ABI3BP: variants seen among roughly 807,000 people sequenced by gnomAD.
The protein encoded by ABI3BP is ABI family member 3 binding protein.
In ABI3BP, 216 loss-of-function variants were observed where a neutral mutation model predicts 268.6. The ratio of observed to expected loss-of-function variants is 0.80; its 90% confidence interval spans 0.72 to 0.90. The LOEUF is 0.90. Among genes scored for constraint, ABI3BP ranks in the 40% least tolerant of loss-of-function variants. The pLI is 0.00. For synonymous variants in ABI3BP, 730 were observed against 730.0 expected (o/e 1.00, Z 0.00); for missense variants, 2,090 against 2,182.4 (o/e 0.96, Z 0.84).
At chr3:100,851,348 G>T (rs1164678004) in intron 15 of ABI3BP, among the ~76,000 whole-genome samples, 2 of 152,140 alleles carry the variant, frequency 1.3e-5, no homozygotes, top group Non-Finnish European at 2.9e-5. Flanking sequence ...GGTTTCTCAC[G>T]TTAGCACTAT....
chr3:100,872,209 C>A (rs915303377), intron 9 of ABI3BP, among the ~76,000 whole-genome samples: 1 of 152,072 alleles, frequency 6.6e-6, no homozygotes, highest in Non-Finnish European at 1.5e-5. Context: ...TTACTATTTT[C>A]ATAGTTTTAA....
At chr3:100,837,004 T>A (rs1023143274) in intron 27 of ABI3BP, 120 bp downstream of exon 27, 1 of 1,006,326 alleles carries the variant, frequency 9.9e-7, no homozygotes, top group East Asian at 2.8e-5. Context: ...ATAGTGAAAA[T>A]TTTTAAAAAT....
At chr3:100,950,309 T>C (rs917036373) in intron 1 of ABI3BP, among the ~76,000 whole-genome samples, 2 of 152,192 alleles carry the variant, frequency 1.3e-5, no homozygotes, top group African/African-American at 4.8e-5. Context: ...TTATGCTTGA[T>C]AGGAATTAAT....
chr3:100,900,087 T>C (rs1582619155), intron 3 of ABI3BP, among the ~76,000 whole-genome samples: 1 of 152,252 alleles, frequency 6.6e-6, no homozygotes, highest in African/African-American at 2.4e-5. Flanking sequence ...TGCCTCATTA[T>C]AGGATAGTTG....
At chr3:100,930,644 C>G (rs1014219843) in intron 1 of ABI3BP, 1 of 151,864 alleles carries the variant, frequency 6.6e-6, no homozygotes, top group Non-Finnish European at 1.5e-5. Context: ...CAAGATTGAA[C>G]CAGGAAGAAA....
At chr3:100,907,008 G>A (rs2053713889) in intron 2 of ABI3BP, among the ~76,000 whole-genome samples, 1 of 152,146 alleles carries the variant, frequency 6.6e-6, no homozygotes, top group African/African-American at 2.4e-5. Flanking sequence ...GCCTGAAAAA[G>A]GCCCTTGCTA....
At chr3:100,943,987 T>G (rs2070826035) in intron 1 of ABI3BP, among the ~76,000 whole-genome samples, 1 of 152,132 alleles carries the variant, frequency 6.6e-6, no homozygotes, top group African/African-American at 2.4e-5. Flanking sequence ...AGACAATTAC[T>G]ACACTTAACT....
intron 6 of ABI3BP, among the ~76,000 whole-genome samples, 193 bp from the exon 7 acceptor site, chr3:100,876,753 G>A (rs1480679223): frequency 2.0e-5 from 3 of 151,960 alleles, no homozygotes; most frequent in Admixed American, 6.6e-5. Flanking sequence ...GCTGAGGCGG[G>A]TGGATCACCT....
At chr3:100,893,273 C>T (rs2045630949) in intron 4 of ABI3BP, among the ~76,000 whole-genome samples, 1 of 152,142 alleles carries the variant, frequency 6.6e-6, no homozygotes, top group Non-Finnish European at 1.5e-5. Flanking sequence ...AGCTTCCCTA[C>T]TTTTGAGGTT....
chr3:100,973,081 G>C (rs767370606), intron 1 of ABI3BP, among the ~76,000 whole-genome samples: 2 of 152,104 alleles, frequency 1.3e-5, no homozygotes, highest in African/African-American at 4.8e-5. Context: ...GTTTAAGCAG[G>C]CCCTAAGTGT....
rs998291438 is a variant in ABI3BP at position 100,749,631 on chromosome 3, C to T, written c.*864G>A. 3.9e-4 allele frequency: 156 copies of T among 398,352 alleles called. No individual in the cohort carries two copies. The highest frequency in any genetic ancestry group is 5.2e-4 in the Non-Finnish European group (117 of 225,738). The allele number at this position is 398,352 out of a possible 1,614,324, so 24.7% of individuals were successfully genotyped here. On this transcript the variant is annotated 3_prime_UTR_variant, in exon 68 of 68. Coordinates refer to ENST00000471714, the MANE Select transcript of ABI3BP (RefSeq NM_001375547.2). Reference sequence around the variant, plus strand: ...TAACGTATAAATACATAGTAAATATCCTATAAAATGGTAGGCAATCTCATC... The same window carrying T: ...TAACGTATAAATACATAGTAAATATTCTATAAAATGGTAGGCAATCTCATC...
intron 51 of ABI3BP, among the ~76,000 whole-genome samples, chr3:100,803,847 C>T (rs954512793): frequency 3.3e-5 from 5 of 152,180 alleles, no homozygotes; most frequent in African/African-American, 1.2e-4. Flanking sequence ...CCTGCTACCA[C>T]CACCACCAAA....
At chr3:100,834,845 G>A in intron 28 of ABI3BP, 72 bp from the exon 29 acceptor site, 1 of 1,395,360 alleles carries the variant, frequency 7.2e-7, no homozygotes, top group Non-Finnish European at 9.7e-7. Flanking sequence ...CATGGTTCTA[G>A]GTTTTCTAAA....
intron 1 of ABI3BP, among the ~76,000 whole-genome samples, chr3:100,959,039 G>A (rs781425763): frequency 3.7e-4 from 57 of 152,092 alleles, no homozygotes; most frequent in Non-Finnish European, 6.6e-4. Context: ...TTGCTCCAGG[G>A]CATAGGTGAA....
intron 20 of ABI3BP, chr3:100,843,614 A>ATGACT (rs2098735001): frequency 1.0e-6 from 1 of 983,336 alleles, no homozygotes; most frequent in Non-Finnish European, 1.2e-6. Flanking sequence ...GAGAGAGGAG[A>ATGACT]GTATGCATGT....
intron 4 of ABI3BP, among the ~76,000 whole-genome samples, chr3:100,896,461 G>A (rs777474632): frequency 7.9e-5 from 12 of 152,094 alleles, no homozygotes; most frequent in African/African-American, 1.9e-4. Flanking sequence ...GCTTGAGAGC[G>A]GGAGGAAGAA....
rs2095233355 is a variant in ABI3BP, at chr3:100,750,007, ATG to A, written c.*486_*487del. On this transcript the variant is annotated 3_prime_UTR_variant, in exon 68 of 68. Transcript: ENST00000471714. ...ATAAAAAATTGAAGTTTAAATATAAATGTGAAAATTCGGACCTTTTTTCCCCA... is the reference window on the plus strand; with the variant it reads ...ATAAAAAATTGAAGTTTAAATATAAATGAAAATTCGGACCTTTTTTCCCCA... 3.0e-6 allele frequency: 1 copy of A among 330,060 alleles called. No individual in the cohort carries two copies. Among genetic ancestry groups the A allele is most frequent in the Non-Finnish European group, 5.4e-6 (1 of 184,756 alleles). 20.4% of individuals were successfully genotyped at this position (330,060 alleles called of 1,614,324 possible). A position where few individuals can be genotyped will look rare whatever the true frequency, so the allele number is the denominator to read the frequency against.
At chr3:100,781,061 T>G (rs909441628) in intron 57 of ABI3BP, among the ~76,000 whole-genome samples, 2 of 152,208 alleles carry the variant, frequency 1.3e-5, no homozygotes, top group South Asian at 4.1e-4. Flanking sequence ...AATAATGACC[T>G]GTCCTAAAAA....
intron 62 of ABI3BP, among the ~76,000 whole-genome samples, chr3:100,767,124 G>A (rs928091227): frequency 6.6e-6 from 1 of 152,052 alleles, no homozygotes; most frequent in East Asian, 1.9e-4. Flanking sequence ...ATTTTTTGTA[G>A]AGACAGGGTT....
Sources: allele counts gnomAD v4.1 joint callset (sites outside exome capture counted in the v4.1 genomes callset), GRCh38; gene constraint gnomAD v4.1.1; transcripts MANE v1.5; gene names NCBI Gene and HGNC (gene_info 2026-07-23, HGNC 2026-07-21).